Variants in UPK1B observed in about 807,000 individuals in gnomAD.
UPK1B encodes the protein uroplakin 1B.
Under a neutral mutation model 34.2 loss-of-function variants are expected in UPK1B, and 28 were observed. The ratio of observed to expected loss-of-function variants is 0.82; its 90% confidence interval spans 0.61 to 1.12. The LOEUF (loss-of-function observed/expected upper bound fraction) is 1.12, where lower values mean the gene tolerates loss of function less well. Among genes scored for constraint, UPK1B ranks in the 50% most tolerant of loss-of-function variants. The probability of loss-of-function intolerance (pLI) is 0.00; values close to 1 mark genes in which losing one functional copy is unlikely to be tolerated. For missense variants in UPK1B, 325 were observed against 320.9 expected, an observed-to-expected ratio of 1.01 and a Z score of -0.10; for synonymous variants, 81 against 110.4, an observed-to-expected ratio of 0.73 and a Z score of 1.67.
chr3:119,188,125 G>A, intron 3 of UPK1B, 150 bp downstream of exon 3: 1 of 853,444 alleles, frequency 1.2e-6, no homozygotes, highest in South Asian at 1.6e-5. Context: ...GCAGTGAAAT[G>A]GTCCACATGG....
intron 5 of UPK1B, among the ~76,000 whole-genome samples, chr3:119,193,280 G>T (rs1298242675): frequency 6.6e-6 from 1 of 152,190 alleles, no homozygotes; most frequent in Non-Finnish European, 1.5e-5. Context: ...CCAGAATGCA[G>T]AATAATTATT....
chr3:119,195,967 C>A (rs7610070), intron 6 of UPK1B, among the ~76,000 whole-genome samples: 39,405 of 148,938 alleles, frequency 0.26, 5,330 homozygotes, highest in Middle Eastern at 0.38. Context: ...AGTTCCCTGG[C>A]CTCATCTGTT....
chr3:119,188,551 C>A (rs2078029958), intron 3 of UPK1B, among the ~76,000 whole-genome samples: 1 of 152,230 alleles, frequency 6.6e-6, no homozygotes, highest in African/African-American at 2.4e-5. Context: ...ATAAGCACCA[C>A]TGTAGAGTGA....
chr3:119,186,177 G>A (rs986792208), intron 1 of UPK1B, among the ~76,000 whole-genome samples: 3 of 152,142 alleles, frequency 2.0e-5, no homozygotes, highest in South Asian at 2.1e-4. Flanking sequence ...TCTAGTCCCC[G>A]TTTTCACTTA....
At chr3:119,190,947 A>G (rs758599277) in intron 4 of UPK1B, 35 bp from the exon 5 acceptor site, 2 of 1,609,610 alleles carry the variant, frequency 1.2e-6, no homozygotes, top group East Asian at 2.2e-5. Flanking sequence ...TTAGCGTGCT[A>G]TCTCTCCCTC....
chr3:119,193,216 G>T (rs1196627569), intron 5 of UPK1B, among the ~76,000 whole-genome samples: 1 of 152,112 alleles, frequency 6.6e-6, no homozygotes, highest in African/African-American at 2.4e-5. Flanking sequence ...AATCTTCTCT[G>T]TGCCCACTAA....
intron 1 of UPK1B, among the ~76,000 whole-genome samples, chr3:119,174,040 T>C (rs928541986): frequency 6.6e-6 from 1 of 152,198 alleles, no homozygotes; most frequent in African/African-American, 2.4e-5. Flanking sequence ...AGAAAAGCAA[T>C]AGAAAGTTTA....
intron 7 of UPK1B, among the ~76,000 whole-genome samples, chr3:119,201,047 T>A (rs1404348966): frequency 6.6e-6 from 1 of 152,168 alleles, no homozygotes; most frequent in Non-Finnish European, 1.5e-5. Flanking sequence ...TTTTTAAATT[T>A]TTTTTTTTTA....
chr3:119,195,422 G>A (rs1323327590), intron 6 of UPK1B, among the ~76,000 whole-genome samples: 2 of 152,180 alleles, frequency 1.3e-5, no homozygotes, highest in Non-Finnish European at 1.5e-5. Flanking sequence ...TGAGGGACAT[G>A]GCACTGTTGC....
chr3:119,199,109 C>T lies in UPK1B; in HGVS notation c.701C>T (p.Ala234Val), dbSNP rs764709397. The change falls in exon 7 of 8, where the codon GCC (alanine) becomes GTC (valine). Residue 234 changes from alanine (A) to valine (V), a missense_variant. Coordinates refer to ENST00000264234, the MANE Select transcript of UPK1B (RefSeq NM_006952.4). ...ATGAACCGACACGCCTGGGGGGTTGCCTGGTTTGGATTTGCCATTCTCTGC... is the reference window on the plus strand; with the variant it reads ...ATGAACCGACACGCCTGGGGGGTTGTCTGGTTTGGATTTGCCATTCTCTGC... ...GPMNRHAWGV[A>V]WFGFAILCWT... The T allele has an allele frequency of 1.9e-6, 3 of 1,614,100 alleles. No homozygotes were observed. The South Asian group carries it at 3.3e-5, about 18-fold the overall frequency.
chr3:119,186,898 A>G (rs2078021647), intron 2 of UPK1B, 88 bp downstream of exon 2: 1 of 1,375,014 alleles, frequency 7.3e-7, no homozygotes, highest in African/African-American at 1.4e-5. Flanking sequence ...AAGGAAAATA[A>G]TGCTGTGATT....
At chr3:119,201,245 G>C (rs2078089144) in intron 7 of UPK1B, among the ~76,000 whole-genome samples, 1 of 152,152 alleles carries the variant, frequency 6.6e-6, no homozygotes. Context: ...ATGGACTTCT[G>C]AACTGTCCCT....
chr3:119,183,282 T>G (rs1467126019), intron 1 of UPK1B, among the ~76,000 whole-genome samples: 1 of 151,774 alleles, frequency 6.6e-6, no homozygotes, highest in Non-Finnish European at 1.5e-5. Flanking sequence ...TTTTTTTTTT[T>G]TTTGGAGATG....
chr3:119,194,523 G>T (rs2078058134), intron 6 of UPK1B, 125 bp downstream of exon 6: 1 of 931,698 alleles, frequency 1.1e-6, no homozygotes, highest in East Asian at 2.7e-5. Context: ...TAAACCTCAT[G>T]TTAACTATTT....
chr3:119,190,282 T>A lies in UPK1B; in HGVS notation c.308T>A (p.Val103Glu). The A allele has an allele frequency of 1.2e-6, 2 of 1,612,598 alleles. No individual in the cohort carries two copies. Among genetic ancestry groups the A allele is most frequent in the Non-Finnish European group, 1.7e-6 (2 of 1,178,928 alleles). Residue 103 changes from valine to glutamate, a missense_variant, in exon 4 of 8, where the codon GTG (valine) becomes GAG (glutamate). Coordinates refer to ENST00000264234, the MANE Select transcript of UPK1B (RefSeq NM_006952.4). The stretch of plus-strand genomic sequence containing the variant: ...ATGTTTATAGTATATGCCTTTGAAG[T>A]GGCATCTTGTATCACAGCAGCAACA... ...ILMFIVYAFEVASCITAATQQ... is the reference protein window; with the variant it reads ...ILMFIVYAFEEASCITAATQQ...
rs1559903295 is a variant in UPK1B, at chr3:119,194,215, A to G, written c.469-4A>G. On this transcript the variant is annotated splice_region_variant and splice_polypyrimidine_tract_variant and intron_variant, in intron 5 of 7. Transcript: ENST00000264234. ...AGAATTTTGTATCTCTCATCTGCTG[A>G]CAGGACAATTGCTGTGGCGTAAATG... is the stretch of plus-strand genomic sequence containing the variant. The G allele has an allele frequency of 6.2e-7, 1 of 1,613,620 alleles. No individual in the cohort carries two copies. Among genetic ancestry groups the G allele is most frequent in the East Asian group, 2.2e-5 (1 of 44,870 alleles).
chr3:119,194,165 A>C, intron 5 of UPK1B, 54 bp from the exon 6 acceptor site: 3 of 1,495,416 alleles, frequency 2.0e-6, no homozygotes, highest in Non-Finnish European at 2.7e-6. Context: ...TGCTACATTG[A>C]TGGCTCTAGT....
chr3:119,181,666 A>G (rs2077990105), intron 1 of UPK1B, among the ~76,000 whole-genome samples: 1 of 152,208 alleles, frequency 6.6e-6, no homozygotes, highest in Non-Finnish European at 1.5e-5. Context: ...CAAATTATTA[A>G]TCTGCACACT....
intron 1 of UPK1B, among the ~76,000 whole-genome samples, chr3:119,174,892 A>ATT (rs5852188): frequency 0.095 from 13,287 of 139,386 alleles, 754 homozygotes; most frequent in East Asian, 0.17. Context: ...CAACTCACCT[A>ATT]TTTTTTTTTT....
Sources: gnomAD v4.1 joint callset for allele counts (sites outside exome capture counted in the v4.1 genomes callset) on GRCh38, gnomAD v4.1.1 for gene constraint, MANE v1.5 for transcripts, NCBI Gene and HGNC (gene_info 2026-07-23, HGNC 2026-07-21) for gene names.